The following ATP2C1 variants were observed in gnomAD, a reference collection of about 807,000 sequenced individuals.
ATP2C1 encodes calcium-transporting ATPase type 2C member 1.
ATP2C1 carries 31 observed loss-of-function variants against 120.5 expected under a neutral mutation model. The ratio of observed to expected loss-of-function variants is 0.26; its 90% CI spans 0.19 to 0.35. The LOEUF (loss-of-function observed/expected upper bound fraction) is 0.35, where lower values mean the gene tolerates loss of function less well. Ranked by LOEUF, ATP2C1 falls within the 10% of genes least tolerant of loss-of-function variation. The probability of loss-of-function intolerance (pLI) is 1.00; values close to 1 mark genes in which losing one functional copy is unlikely to be tolerated. For synonymous variants in ATP2C1, 351 were observed against 358.7 expected (o/e 0.98, Z 0.24); for missense variants, 731 against 1,107.5 (o/e 0.66, Z 4.83).
At chr3:130,930,347 T>G (rs946925140) in intron 2 of ATP2C1, 69 bp from the exon 3 acceptor site, 25 of 1,018,034 alleles carry the variant, frequency 2.5e-5, no homozygotes, top group Non-Finnish European at 3.8e-5. Context: ...TTTTGGATTT[T>G]TATTATTCTA....
intron 1 of ATP2C1, among the ~76,000 whole-genome samples, chr3:130,865,730 T>A (rs2068154290): frequency 6.6e-6 from 1 of 152,210 alleles, no homozygotes. Flanking sequence ...ATGTAAGAAG[T>A]GCCTTTCACT....
At chr3:130,926,989 T>C (rs1022622227) in intron 2 of ATP2C1, among the ~76,000 whole-genome samples, 1 of 152,206 alleles carries the variant, frequency 6.6e-6, no homozygotes, top group African/African-American at 2.4e-5. Context: ...AGGACCCACC[T>C]CTTCAGTCTG....
chr3:130,885,296 C>T (rs1290150189), intron 1 of ATP2C1, among the ~76,000 whole-genome samples: 1 of 152,158 alleles, frequency 6.6e-6, no homozygotes. Flanking sequence ...TATTCAGCCA[C>T]TCTGTGTCTT....
At chr3:130,935,528 T>C (rs2059628261) in intron 5 of ATP2C1, among the ~76,000 whole-genome samples, 1 of 152,230 alleles carries the variant, frequency 6.6e-6, no homozygotes, top group Non-Finnish European at 1.5e-5. Flanking sequence ...TAGATGTTAT[T>C]GTAGAGATGC....
chr3:130,922,092 CT>C (rs1000781835), intron 2 of ATP2C1, among the ~76,000 whole-genome samples: 3 of 150,984 alleles, frequency 2.0e-5, no homozygotes, highest in East Asian at 3.9e-4. Context: ...TGGTACTGGA[CT>C]TTTTTTTTGT....
chr3:130,908,127 G>C (rs1304208977), intron 2 of ATP2C1, among the ~76,000 whole-genome samples: 2 of 152,106 alleles, frequency 1.3e-5, no homozygotes, highest in African/African-American at 4.8e-5. Flanking sequence ...TTCTGAGTTT[G>C]AAGTTTTTGA....
rs1283835719 is a variant in ATP2C1, at chr3:130,894,238, C to T, written c.-280C>T. ...AGCAGGCTCCCGCCTCGCACCGCTG[C>T]CCCGCGAGCAGCTCCTCTTCTCCCG... On this transcript the variant is annotated 5_prime_UTR_variant, in exon 1 of 28. Transcript: ENST00000510168. The surrounding 1 kb of genome is among the most constrained non-coding windows in gnomAD (Gnocchi z 4.5). The T allele has an allele frequency of 2.0e-6, 2 of 985,058 alleles. No homozygotes were observed. Among genetic ancestry groups the T allele is most frequent in the Non-Finnish European group, 2.4e-6 (2 of 829,808 alleles). 61.0% of individuals were successfully genotyped at this position (985,058 alleles called of 1,614,324 possible). A position where few individuals can be genotyped will look rare whatever the true frequency, so the allele number is the denominator to read the frequency against.
chr3:130,850,920 G>A (rs1392523787), exon 1 of ATP2C1: 19 of 1,390,982 alleles, frequency 1.4e-5, no homozygotes, highest in Admixed American at 9.4e-5. Context: ...CCAAAGAGCC[G>A]AAGAACAGGT....
intron 26 of ATP2C1, among the ~76,000 whole-genome samples, chr3:131,008,634 C>T (rs2063205138): frequency 6.6e-6 from 1 of 152,040 alleles, no homozygotes; most frequent in Admixed American, 6.6e-5. Context: ...CCTGTAAAGC[C>T]TAAAATATTT....
At chr3:130,880,561 G>A (rs762360933) in intron 1 of ATP2C1, among the ~76,000 whole-genome samples, 1 of 152,116 alleles carries the variant, frequency 6.6e-6, no homozygotes, top group Non-Finnish European at 1.5e-5. Context: ...TTTGATTGTA[G>A]CAATAAATTT....
chr3:130,906,487 G>T (rs1433159214), intron 2 of ATP2C1, among the ~76,000 whole-genome samples: 1 of 151,974 alleles, frequency 6.6e-6, no homozygotes, highest in East Asian at 1.9e-4. Flanking sequence ...TCATGTATGG[G>T]TTTTTGTGTA....
At chr3:130,988,048 C>T (rs2062108199) in intron 20 of ATP2C1, among the ~76,000 whole-genome samples, 1 of 152,290 alleles carries the variant, frequency 6.6e-6, no homozygotes, top group Non-Finnish European at 1.5e-5. Context: ...ATTTATATTT[C>T]TACTGAATCT....
At chr3:130,944,519 T>A (rs1006692483) in intron 8 of ATP2C1, among the ~76,000 whole-genome samples, 1 of 152,310 alleles carries the variant, frequency 6.6e-6, no homozygotes, top group South Asian at 2.1e-4. Flanking sequence ...CTTCCTCTTA[T>A]ACGGCCACTA....
Position 130,997,687 on chromosome 3 carries a change from G to A in ATP2C1, c.2325G>A (p.Leu775=). 6.2e-7 allele frequency: 1 copy of A among 1,613,720 alleles called. No homozygotes were observed. Among genetic ancestry groups the A allele is most frequent in the Non-Finnish European group, 8.5e-7 (1 of 1,179,734 alleles). The change falls in exon 25 of 28, where the codon TTG becomes TTA. Residue 775 remains leucine, a synonymous_variant. Coordinates refer to ENST00000510168, the MANE Select transcript of ATP2C1 (RefSeq NM_001378687.1). ...NWKDSILTKN[L]ILKILVSSII... Reference sequence around the variant, plus strand: ...AAGACAGCATTTTGACTAAAAACTTGATACTTAAAATACTTGTTTCATCAA... The same window carrying A: ...AAGACAGCATTTTGACTAAAAACTTAATACTTAAAATACTTGTTTCATCAA...
chr3:130,866,385 T>C (rs913149975), intron 1 of ATP2C1, among the ~76,000 whole-genome samples: 1 of 152,248 alleles, frequency 6.6e-6, no homozygotes, highest in Non-Finnish European at 1.5e-5. Flanking sequence ...GATAAAATTA[T>C]TTGTTTGAGA....
rs754681265 is a variant in ATP2C1, at chr3:130,953,805, C to CT, written c.532-13dup. ...TAGCACAAAATTTGAATCTGGGATT[C>CT]TTTATGTTCCCTAAGGCTGTGGATC... On this transcript the variant is annotated splice_polypyrimidine_tract_variant and intron_variant, in intron 8 of 27. Coordinates refer to ENST00000510168, the MANE Select transcript of ATP2C1 (RefSeq NM_001378687.1). 11 of 1,613,704 alleles carry CT rather than the reference C, an allele frequency of 6.8e-6. No individual in the cohort carries two copies. In the African/African-American group the frequency reaches 1.1e-4, roughly 16 times the overall value.
upstream of ATP2C1, among the ~76,000 whole-genome samples, chr3:130,890,080 C>T (rs189110291): frequency 6.6e-6 from 1 of 152,264 alleles, no homozygotes; most frequent in East Asian, 1.9e-4. Context: ...ATTTTTCAGG[C>T]TATCCATTTA....
rs1485492525 is a variant in ATP2C1, at chr3:131,001,917, C to T, written c.*567C>T. ...TTTTTGCACAGGATGTGACCACTGT[C>T]AGATCACTGTTCTTTTCTTTCTTTT... On this transcript the variant is annotated 3_prime_UTR_variant, in exon 28 of 28. Transcript: ENST00000510168. The T allele has an allele frequency of 9.1e-6, 9 of 984,646 alleles. No individual in the cohort carries two copies. The South Asian group carries it at 4.2e-4, about 46-fold the overall frequency. The allele number at this position is 984,646 out of a possible 1,614,324, so 61.0% of individuals were successfully genotyped here.
intron 1 of ATP2C1, among the ~76,000 whole-genome samples, chr3:130,859,132 C>A (rs1488051141): frequency 2.6e-5 from 4 of 152,056 alleles, no homozygotes; most frequent in Non-Finnish European, 5.9e-5. Flanking sequence ...GAGAGATGAA[C>A]AATTCAGATA....
Sources: gnomAD v4.1 joint callset for allele counts (sites outside exome capture counted in the v4.1 genomes callset) on GRCh38, gnomAD v4.1.1 for gene constraint, Gnocchi (gnomAD v3.1) non-coding constraint, MANE v1.5 for transcripts, NCBI Gene and HGNC (gene_info 2026-07-23, HGNC 2026-07-21) for gene names.